The following GALK2 variants were observed in gnomAD, a reference collection of about 807,000 sequenced individuals.
The protein encoded by GALK2 is galactokinase 2, also known as N-acetylgalactosamine kinase.
A neutral mutation model predicts 52.4 loss-of-function variants in GALK2; 36 were observed. The ratio of observed to expected loss-of-function variants is 0.69; its 90% CI spans 0.53 to 0.91. GALK2 has a LOEUF of 0.91. GALK2 is among the 40% of genes least tolerant of loss of function. GALK2 has a pLI of 0.00. For synonymous variants in GALK2, 176 were observed against 199.1 expected (o/e 0.88, Z 0.98); for missense variants, 579 against 559.1 (o/e 1.04, Z -0.36).
At chr15:49,219,183 T>C (rs571413554) in intron 3 of GALK2, among the ~76,000 whole-genome samples, 23 of 152,310 alleles carry the variant, frequency 1.5e-4, no homozygotes, top group Admixed American at 1.3e-3. Flanking sequence ...TCTTGAATTT[T>C]AACTCCCACA....
chr15:49,238,609 C>T (rs1420272689), intron 4 of GALK2, among the ~76,000 whole-genome samples: 1 of 152,106 alleles, frequency 6.6e-6, no homozygotes, highest in African/African-American at 2.4e-5. Context: ...AGACCTGGGC[C>T]CTACTCTCGT....
chr15:49,238,574 G>T (rs1319940688), intron 4 of GALK2, among the ~76,000 whole-genome samples: 1 of 152,190 alleles, frequency 6.6e-6, no homozygotes, highest in Non-Finnish European at 1.5e-5. Context: ...TAACTGCAGT[G>T]GAAAAGTTTT....
At chr15:49,243,000 G>C (rs1160299880) in intron 5 of GALK2, among the ~76,000 whole-genome samples, 1 of 152,198 alleles carries the variant, frequency 6.6e-6, no homozygotes, top group Non-Finnish European at 1.5e-5. Flanking sequence ...ATAGAGGAAT[G>C]TTACATGACT....
intron 2 of GALK2, among the ~76,000 whole-genome samples, chr15:49,204,338 T>G (rs962421120): frequency 6.6e-6 from 1 of 151,606 alleles, no homozygotes; most frequent in Non-Finnish European, 1.5e-5. Flanking sequence ...TTTTGGGGTC[T>G]TTTGTGATTC....
chr15:49,352,777 A>C (rs2042435759), intron 3 of GALK2, among the ~76,000 whole-genome samples: 1 of 152,180 alleles, frequency 6.6e-6, no homozygotes, highest in South Asian at 2.1e-4. Context: ...AAATTATAAT[A>C]TCAAAACCTC....
exon 4 of GALK2, chr15:49,367,612 T>C: frequency 1.9e-6 from 3 of 1,540,548 alleles, no homozygotes; most frequent in Non-Finnish European, 2.6e-6. Context: ...AGTGCGACTG[T>C]AAGAGGAAGA....
intron 3 of GALK2, among the ~76,000 whole-genome samples, chr15:49,220,134 T>C (rs2089691769): frequency 6.6e-6 from 1 of 151,028 alleles, no homozygotes; most frequent in Non-Finnish European, 1.5e-5. Context: ...TCCTTTCTTC[T>C]AGGTATTTTG....
At chr15:49,271,399 A>G (rs1036154659) in intron 5 of GALK2, among the ~76,000 whole-genome samples, 10 of 152,162 alleles carry the variant, frequency 6.6e-5, no homozygotes, top group African/African-American at 2.4e-4. Flanking sequence ...AAGAATTTAA[A>G]CAATGAAAGG....
At chr15:49,208,303 C>G (rs1207556815) in intron 2 of GALK2, among the ~76,000 whole-genome samples, 2 of 152,116 alleles carry the variant, frequency 1.3e-5, no homozygotes, top group Non-Finnish European at 2.9e-5. Flanking sequence ...TATGAACTTT[C>G]CTCTTAGCAC....
upstream of GALK2, among the ~76,000 whole-genome samples, chr15:49,166,250 C>T (rs1171357239): frequency 1.3e-5 from 2 of 152,030 alleles, no homozygotes; most frequent in Non-Finnish European, 1.5e-5. Context: ...TTAGAGTCTT[C>T]GTTTTGTTTT....
intron 3 of GALK2, chr15:49,366,542 T>C: frequency 1.3e-6 from 2 of 1,562,176 alleles, no homozygotes; most frequent in Non-Finnish European, 8.8e-7. Context: ...AGCTGACCAA[T>C]GGGGGTTATA....
At chr15:49,319,246 G>T in intron 8 of GALK2, 1 of 350,534 alleles carries the variant, frequency 2.9e-6, no homozygotes, top group East Asian at 7.6e-5. Context: ...GAGCTACCGC[G>T]CCTGGCCTAC....
chr15:49,290,437 T>C (rs1259632432), intron 7 of GALK2, among the ~76,000 whole-genome samples: 1 of 152,214 alleles, frequency 6.6e-6, no homozygotes, highest in East Asian at 1.9e-4. Flanking sequence ...CTGGAGTGAA[T>C]GTGAACTCTA....
chr15:49,165,960 G>A (rs1362628529), upstream of GALK2, among the ~76,000 whole-genome samples: 5 of 151,682 alleles, frequency 3.3e-5, no homozygotes, highest in South Asian at 2.1e-4. Flanking sequence ...CCACCACCAC[G>A]CCCAGCTAAT....
chr15:49,357,900 G>C (rs1272675885), intron 3 of GALK2, among the ~76,000 whole-genome samples: 13 of 151,876 alleles, frequency 8.6e-5, no homozygotes, highest in Non-Finnish European at 1.9e-4. Flanking sequence ...TGATCAAGTG[G>C]GCTTCATCCC....
rs554745977 is a variant in GALK2, at chr15:49,193,441, G to A, written c.54-7721G>A. On this transcript the variant is annotated intron_variant, in intron 1 of 9. Transcript: ENST00000560031. Reference sequence around the variant, plus strand: ...TTCTGTGCGTTGTTTTTTAAATTTTGTAGTGTTTTTGCCATAAATGTTTTA... The same window carrying A: ...TTCTGTGCGTTGTTTTTTAAATTTTATAGTGTTTTTGCCATAAATGTTTTA... Among the ~76,000 whole-genome samples, 138 of 147,418 alleles carry A rather than the reference G, an allele frequency of 9.4e-4. 5 individuals carry two copies. In the South Asian group the frequency reaches 0.029, roughly 31 times the overall value.
chr15:49,286,735 T>A (rs561277801), intron 7 of GALK2, among the ~76,000 whole-genome samples: 1 of 152,294 alleles, frequency 6.6e-6, no homozygotes, highest in South Asian at 2.1e-4. Flanking sequence ...TCAATGAACT[T>A]TTTTTCTTTT....
chr15:49,302,370 G>T (rs2035186770), intron 8 of GALK2, among the ~76,000 whole-genome samples: 1 of 152,094 alleles, frequency 6.6e-6, no homozygotes, highest in African/African-American at 2.4e-5. Flanking sequence ...ATAAGACTGT[G>T]TGGCATCTAG....
chr15:49,225,211 C>T (rs767177610), intron 3 of GALK2: 42 of 455,808 alleles, frequency 9.2e-5, no homozygotes, highest in African/African-American at 5.8e-4. Flanking sequence ...TTAGGTCTTC[C>T]GGGCTGCAGG....
Sources: allele counts gnomAD v4.1 joint callset (sites outside exome capture counted in the v4.1 genomes callset), GRCh38; gene constraint gnomAD v4.1.1; transcripts MANE v1.5; gene names NCBI Gene and HGNC (gene_info 2026-07-23, HGNC 2026-07-21).